HDAC9: variants seen among roughly 807,000 people sequenced by gnomAD.
The protein encoded by HDAC9 is histone deacetylase 9.
A neutral mutation model predicts 139.4 loss-of-function variants in HDAC9; 41 were observed. The observed-to-expected ratio is 0.29, with a 90% CI of 0.23 to 0.38. The LOEUF (loss-of-function observed/expected upper bound fraction) is 0.38. Ranked by LOEUF, HDAC9 falls within the 10% of genes least tolerant of loss-of-function variation. The pLI, the probability that HDAC9 is intolerant of heterozygous loss-of-function variation, is 1.00. For synonymous variants in HDAC9, 517 were observed against 476.2 expected (o/e 1.09, Z -1.12); for missense variants, 1,147 against 1,297.0 (o/e 0.88, Z 1.78).
At chr7:18,335,869 C>G (rs1781548447) in intron 1 of HDAC9, among the ~76,000 whole-genome samples, 1 of 151,434 alleles carries the variant, frequency 6.6e-6, no homozygotes, top group Non-Finnish European at 1.5e-5. Context: ...GAAGGCCAAT[C>G]CATAAATAAT....
At chr7:18,698,421 C>G (rs1202544233) in intron 12 of HDAC9, among the ~76,000 whole-genome samples, 2 of 152,190 alleles carry the variant, frequency 1.3e-5, no homozygotes, top group Non-Finnish European at 2.9e-5. Flanking sequence ...TTATGCTTAA[C>G]TCAATATCTA....
At chr7:18,526,068 A>G (rs1210748330) in intron 2 of HDAC9, among the ~76,000 whole-genome samples, 1 of 152,222 alleles carries the variant, frequency 6.6e-6, no homozygotes, top group Non-Finnish European at 1.5e-5. Context: ...GGGTACATAA[A>G]TAATTATTTC....
intron 8 of HDAC9, among the ~76,000 whole-genome samples, chr7:18,635,814 C>T (rs1421223384): frequency 6.6e-6 from 1 of 151,960 alleles, no homozygotes; most frequent in Non-Finnish European, 1.5e-5. Flanking sequence ...TGTGGTTATC[C>T]AGCCTCTGTT....
chr7:18,915,296 A>G (rs1305303130), intron 22 of HDAC9, among the ~76,000 whole-genome samples: 1 of 152,038 alleles, frequency 6.6e-6, no homozygotes, highest in African/African-American at 2.4e-5. Context: ...TGCCAAGAGA[A>G]CTGGTTACTT....
chr7:18,929,953 C>A (rs929667019), intron 22 of HDAC9, among the ~76,000 whole-genome samples: 1 of 148,954 alleles, frequency 6.7e-6, no homozygotes, highest in African/African-American at 2.5e-5. Flanking sequence ...AAAAAAATAT[C>A]TGAAACAATA....
Position 18,210,609 on chromosome 7 carries a change from T to C in HDAC9, c.25+48260T>C, listed in dbSNP as rs545227555. Among the ~76,000 whole-genome samples, 3 of 152,260 alleles carry C rather than the reference T, an allele frequency of 2.0e-5. No homozygotes were observed. The East Asian group carries it at 5.8e-4, about 29-fold the overall frequency. On this transcript the variant is annotated intron_variant, in intron 2 of 12. Transcript: ENST00000417496. Reference sequence around the variant, plus strand: ...ACATAGACTTCCAGAATCAGAGAAGTATTGTTTTTGTTTTTAGGCACTTGC... The same window carrying C: ...ACATAGACTTCCAGAATCAGAGAAGCATTGTTTTTGTTTTTAGGCACTTGC...
chr7:18,147,005 A>T (rs189406947), intron 1 of HDAC9, among the ~76,000 whole-genome samples: 3 of 152,350 alleles, frequency 2.0e-5, no homozygotes, highest in Admixed American at 2.0e-4. Flanking sequence ...CAATATTTGC[A>T]TATTTTAGCA....
intron 1 of HDAC9, among the ~76,000 whole-genome samples, chr7:18,097,945 C>T (rs937156558): frequency 1.3e-5 from 2 of 152,120 alleles, no homozygotes; most frequent in African/African-American, 4.8e-5. Flanking sequence ...ATGTTGTGTA[C>T]TAACGTCTAC....
chr7:18,369,428 T>C (rs1784426968), intron 1 of HDAC9, among the ~76,000 whole-genome samples: 2 of 152,086 alleles, frequency 1.3e-5, no homozygotes. Context: ...ATTGCAGATC[T>C]ATTCTCTGTT....
chr7:18,250,671 C>G (rs903041551), intron 2 of HDAC9, among the ~76,000 whole-genome samples: 1 of 152,146 alleles, frequency 6.6e-6, no homozygotes, highest in African/African-American at 2.4e-5. Context: ...GTATTAAATT[C>G]TAGAGTGGTC....
At chr7:18,133,650 C>T (rs1264978995) in intron 1 of HDAC9, among the ~76,000 whole-genome samples, 1 of 152,132 alleles carries the variant, frequency 6.6e-6, no homozygotes, top group East Asian at 1.9e-4. Flanking sequence ...ACTTAATGGG[C>T]TCGAGTTTTG....
chr7:18,261,832 C>A (rs17346782), intron 2 of HDAC9, among the ~76,000 whole-genome samples: 1 of 152,128 alleles, frequency 6.6e-6, no homozygotes, highest in Non-Finnish European at 1.5e-5. Flanking sequence ...TTAAAGATTT[C>A]GTGTGTGCAT....
intron 16 of HDAC9, among the ~76,000 whole-genome samples, chr7:18,776,124 G>T (rs745439490): frequency 6.6e-6 from 1 of 151,912 alleles, no homozygotes; most frequent in African/African-American, 2.4e-5. Flanking sequence ...CTTTTATTTT[G>T]TAGAGATGTG....
intron 11 of HDAC9, among the ~76,000 whole-genome samples, chr7:18,658,874 A>G (rs1384494848): frequency 4.0e-5 from 6 of 148,800 alleles, no homozygotes; most frequent in African/African-American, 7.6e-5. Context: ...GAAGAATATT[A>G]CATTTATTTA....
rs1371398514 is a variant in HDAC9 at position 18,952,203 on chromosome 7, A to C, written c.2938-1943A>C. Among the ~76,000 whole-genome samples, 7 of 151,856 alleles carry C rather than the reference A, an allele frequency of 4.6e-5. No individual in the cohort carries two copies. The East Asian group carries it at 1.4e-3, about 29-fold the overall frequency. ...TGAATTGCTTTTTAAAATAGACACA[A>C]CCCTTTTGCATCTAACTGAAGATTC... On this transcript the variant is annotated intron_variant, in intron 23 of 25. Coordinates refer to ENST00000686413, the MANE Select transcript of HDAC9 (RefSeq NM_178425.4).
chr7:18,182,912 GAAGA>G (rs1789566199), intron 2 of HDAC9, among the ~76,000 whole-genome samples: 1 of 152,120 alleles, frequency 6.6e-6, no homozygotes, highest in African/African-American at 2.4e-5. Flanking sequence ...TTAAAAAACG[GAAGA>G]AAGAGAGAAG....
chr7:18,772,356 T>C (rs755332078), intron 16 of HDAC9, among the ~76,000 whole-genome samples: 24 of 152,032 alleles, frequency 1.6e-4, no homozygotes, highest in Non-Finnish European at 3.4e-4. Flanking sequence ...CCACCTTCTG[T>C]TTATGCCAAA....
rs7801553 is a variant in HDAC9 at position 18,914,026 on chromosome 7, T to C, written c.2804-21783T>C. 5.5e-3 allele frequency among the ~76,000 whole-genome samples: 830 copies of C among 152,012 alleles called. 4 individuals are homozygous for C. The highest frequency in any genetic ancestry group is 0.019 in the African/African-American group (794 of 41,494). On this transcript the variant is annotated intron_variant, in intron 22 of 25. Coordinates refer to ENST00000686413, the MANE Select transcript of HDAC9 (RefSeq NM_178425.4). ...TCACCAATGTTATAATGTTAGGAGGTAGGGCTTTTGAGAGCTAATTAGGTC... is the reference window on the plus strand; with the variant it reads ...TCACCAATGTTATAATGTTAGGAGGCAGGGCTTTTGAGAGCTAATTAGGTC...
intron 22 of HDAC9, among the ~76,000 whole-genome samples, chr7:18,886,296 G>A (rs570825469): frequency 3.5e-4 from 54 of 152,236 alleles, no homozygotes; most frequent in African/African-American, 1.3e-3. Context: ...CCTTAGGCTA[G>A]GATGACTGCT....
Sources: allele counts gnomAD v4.1 joint callset (sites outside exome capture counted in the v4.1 genomes callset), GRCh38; gene constraint gnomAD v4.1.1; transcripts MANE v1.5; gene names NCBI Gene and HGNC (gene_info 2026-07-23, HGNC 2026-07-21).